ESYT2: variants seen among roughly 807,000 people sequenced by gnomAD.
ESYT2 encodes the protein extended synaptotagmin-2.
ESYT2 carries 54 observed loss-of-function variants against 107.2 expected under a neutral mutation model. The ratio of observed to expected loss-of-function variants is 0.50; its 90% CI spans 0.40 to 0.63. The LOEUF is 0.63. Among genes scored for constraint, ESYT2 ranks in the 30% least tolerant of loss-of-function variants. The probability of loss-of-function intolerance (pLI) is 0.00; values close to 1 mark genes in which losing one functional copy is unlikely to be tolerated. For synonymous variants in ESYT2, 491 were observed against 434.1 expected, an observed-to-expected ratio of 1.13 and a Z score of -1.63; for missense variants, 1,020 against 1,094.5, an observed-to-expected ratio of 0.93 and a Z score of 0.96.
chr7:158,801,754 ATT>A (rs1347367506), intron 1 of ESYT2, among the ~76,000 whole-genome samples: 1 of 152,234 alleles, frequency 6.6e-6, no homozygotes, highest in Admixed American at 6.5e-5. Flanking sequence ...TTTCTATTAT[ATT>A]TGAGTTGACA....
intron 1 of ESYT2, among the ~76,000 whole-genome samples, chr7:158,823,294 CAAAAAAAAA>C (rs1173735798): frequency 1.3e-4 from 4 of 29,808 alleles, no homozygotes; most frequent in Non-Finnish European, 2.4e-4. Context: ...GACTCTGTCT[CAAAAAAAAA>C]AAAAAAAAAA....
intron 1 of ESYT2, among the ~76,000 whole-genome samples, chr7:158,809,208 T>C (rs1024699367): frequency 4.0e-5 from 6 of 151,680 alleles, no homozygotes; most frequent in African/African-American, 1.5e-4. Context: ...TGGTGCGTGG[T>C]GGCTCATACC....
intron 1 of ESYT2, among the ~76,000 whole-genome samples, chr7:158,821,788 T>G (rs995720505): frequency 6.6e-6 from 1 of 152,234 alleles, no homozygotes; most frequent in African/African-American, 2.4e-5. Flanking sequence ...TCCCTCCAGA[T>G]GAGACGGCCC....
At chr7:158,748,494 C>A in intron 15 of ESYT2, among the ~76,000 whole-genome samples, 1 of 152,108 alleles carries the variant, frequency 6.6e-6, no homozygotes. Context: ...GATAACGAGA[C>A]GGTCTAAAGC....
At chr7:158,825,585 G>A (rs867702511) in intron 1 of ESYT2, among the ~76,000 whole-genome samples, 18 of 152,188 alleles carry the variant, frequency 1.2e-4, no homozygotes, top group African/African-American at 4.3e-4. Flanking sequence ...CCTCAATCAG[G>A]AACAGTACAT....
chr7:158,815,500 C>G (rs1328795880), intron 1 of ESYT2, among the ~76,000 whole-genome samples: 1 of 152,096 alleles, frequency 6.6e-6, no homozygotes, highest in Non-Finnish European at 1.5e-5. Context: ...GATATGTGTC[C>G]CCAGTCCCTC....
At chr7:158,767,594 C>G in intron 8 of ESYT2, 60 bp downstream of exon 8, 2 of 1,574,952 alleles carry the variant, frequency 1.3e-6, no homozygotes, top group Non-Finnish European at 1.7e-6. Flanking sequence ...ATGCCACACC[C>G]GCAGGCAGGC....
intron 1 of ESYT2, among the ~76,000 whole-genome samples, chr7:158,808,085 A>G (rs981530923): frequency 2.4e-4 from 37 of 152,208 alleles, no homozygotes; most frequent in African/African-American, 8.9e-4. Context: ...TGGGGTAACT[A>G]AAGTGTTTGA....
At chr7:158,808,920 G>T (rs1839910092) in intron 1 of ESYT2, among the ~76,000 whole-genome samples, 1 of 152,062 alleles carries the variant, frequency 6.6e-6, no homozygotes, top group African/African-American at 2.4e-5. Flanking sequence ...AGGTTGCAGT[G>T]AGCCGAGACT....
chr7:158,805,723 A>G (rs928935848), intron 1 of ESYT2, among the ~76,000 whole-genome samples: 2 of 152,246 alleles, frequency 1.3e-5, no homozygotes, highest in African/African-American at 4.8e-5. Context: ...TCATTTCTTA[A>G]CAGAAAACAT....
At chr7:158,827,162 CAAAA>C (rs34940580) in intron 1 of ESYT2, among the ~76,000 whole-genome samples, 3 of 106,036 alleles carry the variant, frequency 2.8e-5, no homozygotes, top group Non-Finnish European at 4.2e-5. Flanking sequence ...GGCTCTGTCT[CAAAA>C]AAAAAAAAAA....
At chr7:158,780,792 G>A (rs1838751571) in intron 6 of ESYT2, among the ~76,000 whole-genome samples, 1 of 152,204 alleles carries the variant, frequency 6.6e-6, no homozygotes, top group African/African-American at 2.4e-5. Flanking sequence ...AAGAAAGAAG[G>A]CACCAGGCAA....
At position 158,752,806 on chromosome 7, in the gene ESYT2, T is replaced by C; in HGVS notation, c.1457A>G (p.Lys486Arg). The C allele has an allele frequency of 7.7e-7, 1 of 1,304,244 alleles. No homozygotes were observed. The highest frequency in any genetic ancestry group is 1.0e-6 in the Non-Finnish European group (1 of 988,998). The allele number at this position is 1,304,244 out of a possible 1,614,324, so 80.8% of individuals were successfully genotyped here. A position where few individuals can be genotyped will look rare whatever the true frequency, so the allele number is the denominator to read the frequency against. Residue 486 changes from lysine to arginine, a missense_variant, in exon 14 of 23, where the codon AAG (lysine) becomes AGG (arginine). Coordinates refer to ENST00000275418, the MANE Select transcript of ESYT2 (RefSeq NM_001367773.1). ...PLEFNPDVLK[K>R]TAVQRALKSG... is the part of the protein sequence containing the mutation. ...CTTTAAAGCTCTCTGAACTGCAGTCTTCTTCAAGACATCGGGGTTAAATTC... is the reference window on the plus strand; with the variant it reads ...CTTTAAAGCTCTCTGAACTGCAGTCCTCTTCAAGACATCGGGGTTAAATTC...
chr7:158,775,537 A>AT (rs1838532335), intron 6 of ESYT2, among the ~76,000 whole-genome samples: 1 of 152,236 alleles, frequency 6.6e-6, no homozygotes, highest in Non-Finnish European at 1.5e-5. Context: ...CTAGGAGTAG[A>AT]TTCCATCTCA....
chr7:158,748,046 G>C, intron 16 of ESYT2, 148 bp downstream of exon 16: 1 of 663,382 alleles, frequency 1.5e-6, no homozygotes, highest in South Asian at 2.0e-5. Context: ...GGGGCTAGGG[G>C]AGGCCCGGGT....
intron 7 of ESYT2, among the ~76,000 whole-genome samples, chr7:158,769,122 T>C (rs117642721): frequency 0.01 from 1,599 of 152,312 alleles, 11 homozygotes; most frequent in Non-Finnish European, 0.016. Flanking sequence ...CAACAAATAA[T>C]GCCCAACCAC....
chr7:158,796,949 GA>G (rs1563026309), intron 3 of ESYT2, among the ~76,000 whole-genome samples: 1 of 149,220 alleles, frequency 6.7e-6, no homozygotes, highest in African/African-American at 2.5e-5. Flanking sequence ...GAGCCTGAGT[GA>G]CAGAGACAGG....
intron 20 of ESYT2, among the ~76,000 whole-genome samples, chr7:158,736,525 C>A (rs553235387): frequency 6.6e-6 from 1 of 152,220 alleles, no homozygotes; most frequent in Admixed American, 6.5e-5. Flanking sequence ...TCACCCTGAC[C>A]ACAGAAGCAG....
chr7:158,739,393 C>A (rs1257460336), intron 18 of ESYT2, among the ~76,000 whole-genome samples: 2 of 152,210 alleles, frequency 1.3e-5, no homozygotes, highest in African/African-American at 4.8e-5. Flanking sequence ...GTTGCCTAGG[C>A]TGGAGTGCAA....
Sources: gnomAD v4.1 joint callset for allele counts (sites outside exome capture counted in the v4.1 genomes callset) on GRCh38, gnomAD v4.1.1 for gene constraint, MANE v1.5 for transcripts, NCBI Gene and HGNC (gene_info 2026-07-23, HGNC 2026-07-21) for gene names.